The following KANK4 variants were observed in gnomAD, a reference collection of about 807,000 sequenced individuals.
KANK4 encodes KN motif and ankyrin repeat domain-containing protein 4.
A neutral mutation model predicts 80.8 loss-of-function variants in KANK4; 50 were observed. That is an observed-to-expected ratio of 0.62 (90% confidence interval 0.49 to 0.78). The LOEUF is 0.78. KANK4 is among the 30% of genes least tolerant of loss of function. The pLI is 0.00. For missense variants in KANK4, 1,196 were observed against 1,240.1 expected (o/e 0.96, Z 0.53); for synonymous variants, 465 against 506.9 (o/e 0.92, Z 1.11).
At chr1:62,278,656 A>G (rs1263126786) in intron 2 of KANK4, among the ~76,000 whole-genome samples, 4 of 151,766 alleles carry the variant, frequency 2.6e-5, no homozygotes, top group African/African-American at 9.7e-5. Flanking sequence ...CGGCCTCCCA[A>G]AGTGCTGGGA....
At chr1:62,250,995 G>A (rs1278073139) in intron 8 of KANK4, among the ~76,000 whole-genome samples, 1 of 152,092 alleles carries the variant, frequency 6.6e-6, no homozygotes, top group African/African-American at 2.4e-5. Flanking sequence ...TTGCTTTTTT[G>A]CACATCTTGT....
intron 5 of KANK4, among the ~76,000 whole-genome samples, chr1:62,267,098 T>A (rs555959411): frequency 6.6e-6 from 1 of 150,408 alleles, no homozygotes; most frequent in South Asian, 2.2e-4. Context: ...AGGTGGGGGG[T>A]CGTGGTAGGG....
At chr1:62,250,447 G>A (rs1671586449) in intron 8 of KANK4, among the ~76,000 whole-genome samples, 1 of 152,164 alleles carries the variant, frequency 6.6e-6, no homozygotes, top group South Asian at 2.1e-4. Flanking sequence ...CTGCTGCATT[G>A]CCCTGGAGAT....
At chr1:62,252,124 G>C (rs61776870) in intron 8 of KANK4, among the ~76,000 whole-genome samples, 8,058 of 152,256 alleles carry the variant, frequency 0.053, 293 homozygotes, top group Middle Eastern at 0.092. Context: ...TGGAGCTGGA[G>C]ACCAAGCAAA....
intron 8 of KANK4, among the ~76,000 whole-genome samples, chr1:62,252,599 G>A (rs1178316054): frequency 6.6e-6 from 1 of 152,272 alleles, no homozygotes; most frequent in Non-Finnish European, 1.5e-5. Context: ...CTTTCCCTCA[G>A]TCTGAGGACT....
intron 9 of KANK4, 92 bp from the exon 10 acceptor site, chr1:62,238,473 G>C (rs1243581885): frequency 9.9e-7 from 1 of 1,014,194 alleles, no homozygotes; most frequent in Non-Finnish European, 1.5e-6. Context: ...GGGTATGCCT[G>C]GGACACAGGT....
chr1:62,312,790 G>A (rs1170295594), intron 1 of KANK4, among the ~76,000 whole-genome samples: 3 of 152,214 alleles, frequency 2.0e-5, no homozygotes. Context: ...AGAGAGCTTC[G>A]TGCAATCGTA....
At chr1:62,298,071 T>C (rs1465454742) in intron 1 of KANK4, 1 of 152,212 alleles carries the variant, frequency 6.6e-6, no homozygotes, top group Non-Finnish European at 1.5e-5. Context: ...GGGAGCACGA[T>C]GGTCCTCCCT....
chr1:62,240,529 C>A (rs539952605), intron 9 of KANK4, among the ~76,000 whole-genome samples: 1 of 152,034 alleles, frequency 6.6e-6, no homozygotes, highest in Non-Finnish European at 1.5e-5. Context: ...ATTAGCCTGG[C>A]GTGGTGGCAC....
rs143615165 is a variant in KANK4, at chr1:62,274,728, T to A, written c.376A>T (p.Ser126Cys). 1.0e-4 allele frequency: 162 copies of A among 1,614,124 alleles called. No individual in the cohort carries two copies. The East Asian group carries it at 2.9e-3, about 29-fold the overall frequency. The change falls in exon 3 of 10, where the codon AGC (serine) becomes TGC (cysteine). Residue 126 changes from serine to cysteine, a missense_variant. This residue lies in a region of KANK4 where 1,154 missense variants were observed against 1,179.6 expected (regional missense o/e 0.98). Transcript: ENST00000371153. ...GCCAACAGAGCCTTCCTGTGGTAGC[T>A]CACCTCACTCCTGCTTGTTGAGGCC... is the stretch of plus-strand genomic sequence containing the variant. ...PQASTSRSEV[S>C]YHRKALLAEA...
At chr1:62,257,746 C>A (rs1671785764) in intron 7 of KANK4, among the ~76,000 whole-genome samples, 1 of 152,202 alleles carries the variant, frequency 6.6e-6, no homozygotes, top group Non-Finnish European at 1.5e-5. Flanking sequence ...TCAACCCATT[C>A]TCCCCAACCC....
intron 7 of KANK4, among the ~76,000 whole-genome samples, chr1:62,258,710 G>A (rs1344581253): frequency 6.6e-6 from 1 of 152,156 alleles, no homozygotes; most frequent in Non-Finnish European, 1.5e-5. Flanking sequence ...ACAGACAGGA[G>A]CCCCTTTTGA....
At chr1:62,271,118 A>C (rs1435572343) in intron 4 of KANK4, among the ~76,000 whole-genome samples, 1 of 152,174 alleles carries the variant, frequency 6.6e-6, no homozygotes, top group South Asian at 2.1e-4. Context: ...AATTAAATGG[A>C]TGAAATTTGA....
chr1:62,307,177 C>A (rs1299095443), intron 1 of KANK4, among the ~76,000 whole-genome samples: 16 of 152,082 alleles, frequency 1.1e-4, no homozygotes, highest in Admixed American at 9.8e-4. Context: ...TGCTTCTCAA[C>A]CCACAATCAA....
At chr1:62,261,179 C>T (rs1570982450) in intron 7 of KANK4, among the ~76,000 whole-genome samples, 1 of 104,328 alleles carries the variant, frequency 9.6e-6, no homozygotes, top group East Asian at 3.4e-4. Context: ...TTTTTTGAGA[C>T]AGGGTCTCTC....
At chr1:62,300,159 G>A (rs1438564291) in intron 1 of KANK4, among the ~76,000 whole-genome samples, 2 of 152,164 alleles carry the variant, frequency 1.3e-5, no homozygotes, top group African/African-American at 4.8e-5. Flanking sequence ...CTCCACGACT[G>A]CTCAGAGAAA....
At chr1:62,309,013 A>G (rs751656304) in intron 1 of KANK4, among the ~76,000 whole-genome samples, 2 of 152,172 alleles carry the variant, frequency 1.3e-5, no homozygotes, top group Non-Finnish European at 2.9e-5. Context: ...GGATAACTTG[A>G]AGAATACCAG....
chr1:62,251,927 G>A (rs1182113094), intron 8 of KANK4, among the ~76,000 whole-genome samples: 1 of 151,714 alleles, frequency 6.6e-6, no homozygotes, highest in African/African-American at 2.4e-5. Flanking sequence ...AGGAGGTGGA[G>A]GTTGCGGTGA....
intron 7 of KANK4, among the ~76,000 whole-genome samples, chr1:62,258,796 A>G (rs1039183202): frequency 1.3e-5 from 2 of 152,108 alleles, no homozygotes; most frequent in African/African-American, 4.8e-5. Flanking sequence ...TCCCCTAGAG[A>G]GAGGTAGGGG....
Sources: gnomAD v4.1 joint callset for allele counts (sites outside exome capture counted in the v4.1 genomes callset) on GRCh38, gnomAD v4.1.1 for gene constraint, gnomAD v4.1.1 regional missense constraint, MANE v1.5 for transcripts, NCBI Gene and HGNC (gene_info 2026-07-23, HGNC 2026-07-21) for gene names.